NT5DC1: variants seen among roughly 807,000 people sequenced by gnomAD.
NT5DC1 encodes the protein 5'-nucleotidase domain-containing protein 1.
Under a neutral mutation model 59.4 loss-of-function variants are expected in NT5DC1, and 42 were observed. The ratio of observed to expected loss-of-function variants is 0.71; its 90% CI spans 0.55 to 0.92. The LOEUF (loss-of-function observed/expected upper bound fraction) is 0.92, where lower values mean the gene tolerates loss of function less well. Ranked by LOEUF, NT5DC1 falls within the 40% of genes least tolerant of loss-of-function variation. The probability of loss-of-function intolerance (pLI) is 0.00; values close to 1 mark genes in which losing one functional copy is unlikely to be tolerated. For missense variants in NT5DC1, 501 were observed against 537.1 expected, an observed-to-expected ratio of 0.93 and a Z score of 0.66; for synonymous variants, 172 against 188.1, an observed-to-expected ratio of 0.91 and a Z score of 0.70.
chr6:116,157,055 C>T (rs1780213409), intron 6 of NT5DC1, among the ~76,000 whole-genome samples: 1 of 152,070 alleles, frequency 6.6e-6, no homozygotes, highest in South Asian at 2.1e-4. Flanking sequence ...TCCCTTCCAC[C>T]AAATAGACAT....
intron 4 of NT5DC1, among the ~76,000 whole-genome samples, chr6:116,113,509 G>T (rs968039377): frequency 1.3e-5 from 2 of 152,342 alleles, no homozygotes; most frequent in African/African-American, 4.8e-5. Flanking sequence ...AGAGGTGGAC[G>T]TTGAAGCTTT....
At chr6:116,169,206 T>C (rs1780550063) in intron 6 of NT5DC1, among the ~76,000 whole-genome samples, 1 of 152,220 alleles carries the variant, frequency 6.6e-6, no homozygotes, top group African/African-American at 2.4e-5. Flanking sequence ...ACCTCTTAAA[T>C]CTTCATTGAC....
intron 6 of NT5DC1, among the ~76,000 whole-genome samples, chr6:116,187,874 T>G (rs530331696): frequency 6.6e-6 from 1 of 152,052 alleles, no homozygotes; most frequent in African/African-American, 2.4e-5. Context: ...TTGACAAACA[T>G]TAAACGTCTC....
intron 6 of NT5DC1, among the ~76,000 whole-genome samples, chr6:116,130,895 G>C (rs565287810): frequency 6.6e-6 from 1 of 151,790 alleles, no homozygotes; most frequent in East Asian, 1.9e-4. Context: ...AATATAAGCC[G>C]TTTGATTATG....
chr6:116,124,700 C>G (rs1779238906), intron 6 of NT5DC1, among the ~76,000 whole-genome samples: 1 of 152,144 alleles, frequency 6.6e-6, no homozygotes, highest in African/African-American at 2.4e-5. Flanking sequence ...CATGGGAGGA[C>G]AAGTAACTTA....
Position 116,244,589 on chromosome 6 carries a change from T to C in NT5DC1, c.*565T>C, listed in dbSNP as rs546229838. On this transcript the variant is annotated 3_prime_UTR_variant, in exon 12 of 12. Transcript: ENST00000319550. ...TTGTTATCTTTTGTTATCTTTTATA[T>C]GCCCTAGGAAAGTACAACCAGAATT... The C allele has an allele frequency of 6.6e-6, 1 of 152,398 alleles. No homozygotes were observed. The highest frequency in any genetic ancestry group is 2.1e-4 in the South Asian group (1 of 4,830). 9.4% of individuals were successfully genotyped at this position (152,398 alleles called of 1,614,324 possible). A position where few individuals can be genotyped will look rare whatever the true frequency, so the allele number is the denominator to read the frequency against.
chr6:116,121,563 T>G, intron 6 of NT5DC1: 1 of 1,613,916 alleles, frequency 6.2e-7, no homozygotes, highest in Non-Finnish European at 8.5e-7. Context: ...TTCTGTCCAT[T>G]CATACCAGGG....
intron 6 of NT5DC1, among the ~76,000 whole-genome samples, chr6:116,147,381 G>C (rs62414129): frequency 0.014 from 2,076 of 152,098 alleles, 13 homozygotes; most frequent in Non-Finnish European, 0.023. Flanking sequence ...GGCAGAGGTT[G>C]CAGTGAACTG....
chr6:116,110,702 C>A, intron 3 of NT5DC1, 148 bp from the exon 4 acceptor site: 1 of 711,214 alleles, frequency 1.4e-6, no homozygotes, highest in South Asian at 1.5e-5. Flanking sequence ...TTACAGAATC[C>A]TAAACAGGGA....
chr6:116,130,192 T>C (rs1779426149), intron 6 of NT5DC1, among the ~76,000 whole-genome samples: 1 of 152,082 alleles, frequency 6.6e-6, no homozygotes, highest in African/African-American at 2.4e-5. Context: ...TGAAGTACAG[T>C]GTGTATAGAA....
Position 116,110,222 on chromosome 6 carries a change from C to T in NT5DC1, c.258-628C>T, listed in dbSNP as rs1233612175. ...CCATATTTCTCTGTAGCATAGGATT[C>T]TCTTAACTGGACAAAAGCAGTATTT... On this transcript the variant is annotated intron_variant, in intron 3 of 11. Transcript: ENST00000319550. Among the ~76,000 whole-genome samples the T allele has an allele frequency of 2.6e-5, 4 of 152,230 alleles. No individual in the cohort carries two copies. The East Asian group carries it at 7.7e-4, about 29-fold the overall frequency.
At chr6:116,234,135 T>A (rs1159446148) in intron 8 of NT5DC1, among the ~76,000 whole-genome samples, 2 of 151,794 alleles carry the variant, frequency 1.3e-5, no homozygotes, top group East Asian at 3.9e-4. Flanking sequence ...TAATTTTTTG[T>A]ATTTTTGGTA....
intron 2 of NT5DC1, among the ~76,000 whole-genome samples, chr6:116,107,682 C>T (rs929031192): frequency 1.3e-5 from 2 of 151,664 alleles, no homozygotes; most frequent in Admixed American, 1.3e-4. Context: ...ATGCCATTCT[C>T]CTGCCTCAGC....
rs576541799 is a variant in NT5DC1 at position 116,213,830 on chromosome 6, A to G, written c.530-7224A>G. On this transcript the variant is annotated intron_variant, in intron 6 of 11. Transcript: ENST00000319550. ...GGATCAGAAAGAGTTGTGTCTAGGT[A>G]AGTAGAAGGGGTGGAAGGGAATTCT... Among the ~76,000 whole-genome samples the G allele has an allele frequency of 1.4e-4, 22 of 152,172 alleles. No individual in the cohort carries two copies. The South Asian group carries it at 4.2e-3, about 29-fold the overall frequency.
chr6:116,179,478 C>T (rs1780826247), intron 6 of NT5DC1, among the ~76,000 whole-genome samples: 1 of 151,966 alleles, frequency 6.6e-6, no homozygotes, highest in South Asian at 2.1e-4. Context: ...AGGCTAAGAA[C>T]CCGAATAGAC....
In NT5DC1 at chr6:116,163,141, AAT is replaced by A. The variant is rs1554197063; in HGVS notation, c.529+45217_529+45218del. Among the ~76,000 whole-genome samples, 68 of 88,350 alleles carry A rather than the reference AAT, an allele frequency of 7.7e-4. 2 individuals are homozygous for A. The highest frequency in any genetic ancestry group is 3.9e-3 in the East Asian group (13 of 3,372). 58.0% of individuals were successfully genotyped at this position (88,350 alleles called of 152,430 possible). On this transcript the variant is annotated intron_variant, in intron 6 of 11. Coordinates refer to ENST00000319550, the MANE Select transcript of NT5DC1 (RefSeq NM_152729.3). ...GACTCCGTCTCAAAAAAAAAAAAAA[AAT>A]ATATATATATATATATATATTAGTA...
chr6:116,159,818 C>T (rs902953560), intron 6 of NT5DC1, among the ~76,000 whole-genome samples: 1 of 152,120 alleles, frequency 6.6e-6, no homozygotes, highest in Non-Finnish European at 1.5e-5. Context: ...CTATTATTTC[C>T]ATCTTTATGT....
At chr6:116,104,204 G>A (rs1171662175) in intron 1 of NT5DC1, among the ~76,000 whole-genome samples, 4 of 152,136 alleles carry the variant, frequency 2.6e-5, no homozygotes, top group Non-Finnish European at 5.9e-5. Flanking sequence ...GAGTACAGAT[G>A]CCCCTGCTTT....
chr6:116,116,794 G>T (rs1778973242), intron 5 of NT5DC1, among the ~76,000 whole-genome samples: 1 of 152,028 alleles, frequency 6.6e-6, no homozygotes, highest in Non-Finnish European at 1.5e-5. Context: ...GATGGAGTCA[G>T]TTTCTCATTC....
Sources: gnomAD v4.1 joint callset for allele counts (sites outside exome capture counted in the v4.1 genomes callset) on GRCh38, gnomAD v4.1.1 for gene constraint, MANE v1.5 for transcripts, NCBI Gene and HGNC (gene_info 2026-07-23, HGNC 2026-07-21) for gene names.